BTNL3: variants seen among roughly 807,000 people sequenced by gnomAD.
BTNL3 encodes butyrophilin like 3, also known as butyrophilin-like protein 3.
Under a neutral mutation model 40.1 loss-of-function variants are expected in BTNL3, and 20 were observed. The ratio of observed to expected loss-of-function variants is 0.50; its 90% confidence interval spans 0.35 to 0.72. The LOEUF (loss-of-function observed/expected upper bound fraction) is 0.72. Ranked by LOEUF, BTNL3 falls within the 30% of genes least tolerant of loss-of-function variation. The probability of loss-of-function intolerance (pLI) is 0.01; values close to 1 mark genes in which losing one functional copy is unlikely to be tolerated. For missense variants in BTNL3, 449 were observed against 582.2 expected, an observed-to-expected ratio of 0.77 and a Z score of 2.35; for synonymous variants, 179 against 222.1, an observed-to-expected ratio of 0.81 and a Z score of 1.73.
chr5:181,004,892 A>G, intron 7 of BTNL3, 130 bp downstream of exon 7: 7 of 1,552,302 alleles, frequency 4.5e-6, no homozygotes, highest in East Asian at 2.3e-5. Flanking sequence ...AGCTGCCTCT[A>G]AATACACTTC....
At chr5:181,005,198 G>A (rs1175829726) in intron 7 of BTNL3, 136 bp from the exon 8 acceptor site, 19 of 1,469,698 alleles carry the variant, frequency 1.3e-5, no homozygotes, top group Non-Finnish European at 1.7e-5. Flanking sequence ...CCTGGAGAAG[G>A]TACATGGCTG....
rs987393026 is a variant in BTNL3, at chr5:181,001,574, G to A, written c.674-1098G>A. ...TTAAGAAATCCTCCCGGCCAGGCGCGGTGGCTCATGCCTGTAATCCCAGCA... is the reference window on the plus strand; with the variant it reads ...TTAAGAAATCCTCCCGGCCAGGCGCAGTGGCTCATGCCTGTAATCCCAGCA... On this transcript the variant is annotated intron_variant, in intron 3 of 7. Coordinates refer to ENST00000342868, the MANE Select transcript of BTNL3 (RefSeq NM_197975.3). Among the ~76,000 whole-genome samples the A allele has an allele frequency of 3.7e-5, 5 of 133,824 alleles. 2 individuals are homozygous for A. The highest frequency in any genetic ancestry group is 4.5e-4 in the East Asian group (2 of 4,488). 87.8% of individuals were successfully genotyped at this position (133,824 alleles called of 152,430 possible).
intron 2 of BTNL3, among the ~76,000 whole-genome samples, chr5:180,994,781 A>C (rs1431058227): frequency 7.6e-6 from 1 of 132,064 alleles, no homozygotes; most frequent in Non-Finnish European, 1.7e-5. Context: ...GGAGTTCAAT[A>C]ATTTTTTTTT....
chr5:180,989,013 A>T lies in BTNL3; in HGVS notation c.-16A>T. On this transcript the variant is annotated 5_prime_UTR_variant, in exon 1 of 8. Coordinates refer to ENST00000342868, the MANE Select transcript of BTNL3 (RefSeq NM_197975.3). ...CATCTGTTTTCATAGTGTGAGATCA[A>T]CCCACAGGAATATCCATGGCTTTTG... 1 of 1,446,934 alleles carries T rather than the reference A, an allele frequency of 6.9e-7. No homozygotes were observed. The highest frequency in any genetic ancestry group is 1.1e-5 in the South Asian group (1 of 87,280). The allele number at this position is 1,446,934 out of a possible 1,614,324, so 89.6% of individuals were successfully genotyped here.
intron 2 of BTNL3, among the ~76,000 whole-genome samples, chr5:180,994,885 A>T (rs1255311437): frequency 7.5e-6 from 1 of 134,082 alleles, no homozygotes; most frequent in African/African-American, 2.6e-5. Context: ...TTCCGGGTTC[A>T]CGCCATTCTC....
Position 180,993,178 on chromosome 5 carries a change from G to C in BTNL3, c.397+18G>C. Reference sequence around the variant, plus strand: ...GGTGGCAGGTCAGTTGTTTATTTATGACTGAGTTGTCTTGTAAAGTCATGC... The same window carrying C: ...GGTGGCAGGTCAGTTGTTTATTTATCACTGAGTTGTCTTGTAAAGTCATGC... On this transcript the variant is annotated intron_variant, in intron 2 of 7. Transcript: ENST00000342868. 7.1e-7 allele frequency: 1 copy of C among 1,417,876 alleles called. No homozygotes were observed. Among genetic ancestry groups the C allele is most frequent in the Non-Finnish European group, 9.7e-7 (1 of 1,035,328 alleles). The allele number at this position is 1,417,876 out of a possible 1,614,324, so 87.8% of individuals were successfully genotyped here.
intron 4 of BTNL3, among the ~76,000 whole-genome samples, chr5:181,003,317 AG>A (rs993762617): frequency 5.9e-5 from 8 of 136,160 alleles, no homozygotes; most frequent in African/African-American, 1.8e-4. Flanking sequence ...GGCTTTAGTG[AG>A]CCATGTTCGC....
chr5:180,994,331 A>G (rs1760009055), intron 2 of BTNL3, among the ~76,000 whole-genome samples: 1 of 136,940 alleles, frequency 7.3e-6, no homozygotes, highest in African/African-American at 2.5e-5. Flanking sequence ...TTTCCTCTTT[A>G]TTTGTGAATA....
chr5:181,005,396 G>A lies in BTNL3; in HGVS notation c.925G>A (p.Val309Ile), dbSNP rs1760204509. 6.2e-7 allele frequency: 1 copy of A among 1,613,812 alleles called. No homozygotes were observed. The highest frequency in any genetic ancestry group is 1.3e-5 in the African/African-American group (1 of 74,874). ...PKLCVSDLKT[V>I]THRKAPQEVP... ...GCTCTGCGTTTCTGATCTGAAAACT[G>A]TAACCCATAGAAAAGCTCCCCAGGA... is the stretch of plus-strand genomic sequence containing the variant. Residue 309 changes from valine to isoleucine, a missense_variant, in exon 8 of 8, where the codon GTA (valine) becomes ATA (isoleucine). Physicochemically the swap from Val to Ile is conservative, Grantham distance 29. Coordinates refer to ENST00000342868, the MANE Select transcript of BTNL3 (RefSeq NM_197975.3).
In BTNL3 at chr5:180,997,558, T is replaced by G. The variant is rs565696030; in HGVS notation, c.673+70T>G. On this transcript the variant is annotated intron_variant, in intron 3 of 7. Transcript: ENST00000342868. ...TAACCCAGGGTAGAGCAGCAGCTTG[T>G]GTCTGGGATTGTTGTGTAGTACCAT... 204 of 1,443,074 alleles carry G rather than the reference T, an allele frequency of 1.4e-4. 21 individuals carry two copies. In the South Asian group the frequency reaches 2.1e-3, roughly 15 times the overall value. 89.4% of individuals were successfully genotyped at this position (1,443,074 alleles called of 1,614,324 possible).
intron 3 of BTNL3, among the ~76,000 whole-genome samples, chr5:181,001,943 C>T (rs2113085352): frequency 7.4e-6 from 1 of 135,016 alleles, no homozygotes; most frequent in African/African-American, 2.5e-5. Flanking sequence ...ACTTTGGCCT[C>T]CCAAACTGCT....
At chr5:180,994,287 G>A (rs185631036) in intron 2 of BTNL3, among the ~76,000 whole-genome samples, 1,404 of 136,738 alleles carry the variant, frequency 0.01, 323 homozygotes, top group Non-Finnish European at 0.018. Context: ...AATTCTCTTA[G>A]TTTTTGTTTA....
chr5:180,990,211 C>T (rs1202121512), intron 1 of BTNL3, among the ~76,000 whole-genome samples: 1 of 136,922 alleles, frequency 7.3e-6, no homozygotes, highest in South Asian at 2.2e-4. Flanking sequence ...CACAAGACAG[C>T]CTCCGTTTAA....
chr5:181,002,092 G>A lies in BTNL3; in HGVS notation c.674-580G>A, dbSNP rs886673288. On this transcript the variant is annotated intron_variant, in intron 3 of 7. Transcript: ENST00000342868. ...GAATAAGAGCAAGCTAAGAAGCTTAGTCTTATCTCAGAGACATATCCCAAA... is the reference window on the plus strand; with the variant it reads ...GAATAAGAGCAAGCTAAGAAGCTTAATCTTATCTCAGAGACATATCCCAAA... 1.2e-4 allele frequency among the ~76,000 whole-genome samples: 16 copies of A among 133,878 alleles called. 2 individuals carry two copies. The highest frequency in any genetic ancestry group is 4.1e-4 in the African/African-American group (16 of 39,118). 87.8% of individuals were successfully genotyped at this position (133,878 alleles called of 152,430 possible).
Position 180,988,847 on chromosome 5 carries a change from T to C in BTNL3, c.-182T>C, listed in dbSNP as rs1032156363. On this transcript the variant is annotated 5_prime_UTR_variant, in exon 1 of 8. Transcript: ENST00000342868. ...GCAGTGACTCAAACTCCAGTGCCCA[T>C]ACTCCTCATTCATACAGCCATGTTT... 5.9e-6 allele frequency: 4 copies of C among 674,618 alleles called. 1 individual carries two copies. Among genetic ancestry groups the C allele is most frequent in the Non-Finnish European group, 9.6e-6 (4 of 416,540 alleles). 41.8% of individuals were successfully genotyped at this position (674,618 alleles called of 1,614,324 possible).
chr5:180,997,101 A>T, intron 2 of BTNL3, 112 bp from the exon 3 acceptor site: 2 of 1,325,488 alleles, frequency 1.5e-6, no homozygotes, highest in Non-Finnish European at 1.1e-6. Flanking sequence ...AGAGAGAGAG[A>T]GAGAGAAAAG....
rs565940749 is a variant in BTNL3, at chr5:180,994,886, C to T, written c.397+1726C>T. Among the ~76,000 whole-genome samples the T allele has an allele frequency of 1.3e-4, 18 of 134,320 alleles. 5 individuals are homozygous for T. The highest frequency in any genetic ancestry group is 4.4e-4 in the East Asian group (2 of 4,552). The allele number at this position is 134,320 out of a possible 152,430, so 88.1% of individuals were successfully genotyped here. A position where few individuals can be genotyped will look rare whatever the true frequency, so the allele number is the denominator to read the frequency against. On this transcript the variant is annotated intron_variant, in intron 2 of 7. Coordinates refer to ENST00000342868, the MANE Select transcript of BTNL3 (RefSeq NM_197975.3). ...CTGCAAGCTCTGCCTTCCGGGTTCA[C>T]GCCATTCTCCTGCCTCAGCCTCCGG...
chr5:181,006,056 C>A lies in BTNL3; in HGVS notation c.*184C>A. 1 of 650,532 alleles carries A rather than the reference C, an allele frequency of 1.5e-6. No homozygotes were observed. Among genetic ancestry groups the A allele is most frequent in the Non-Finnish European group, 2.5e-6 (1 of 403,310 alleles). The allele number at this position is 650,532 out of a possible 1,614,324, so 40.3% of individuals were successfully genotyped here. ...AGCCCTGCAGCAGCGGCAGTCACAG[C>A]TTCCAGATGAGGGGGGATTGGCCTG... On this transcript the variant is annotated 3_prime_UTR_variant, in exon 8 of 8. Transcript: ENST00000342868.
In BTNL3 at chr5:181,006,331, AT is replaced by A. The variant is rs1178617291; in HGVS notation, c.*463del. On this transcript the variant is annotated 3_prime_UTR_variant, in exon 8 of 8. Transcript: ENST00000342868. ...CTAATGATGTGTTTTTATATTATAC[AT>A]TTTCCCACCATAAACTCTGTTTGCT... 3 of 259,218 alleles carry A rather than the reference AT, an allele frequency of 1.2e-5. No individual in the cohort carries two copies. The highest frequency in any genetic ancestry group is 1.4e-4 in the East Asian group (2 of 14,212). The allele number at this position is 259,218 out of a possible 1,614,324, so 16.1% of individuals were successfully genotyped here. A position where few individuals can be genotyped will look rare whatever the true frequency, so the allele number is the denominator to read the frequency against.
Sources: allele counts gnomAD v4.1 joint callset (sites outside exome capture counted in the v4.1 genomes callset), GRCh38; gene constraint gnomAD v4.1.1; transcripts MANE v1.5; gene names NCBI Gene and HGNC (gene_info 2026-07-23, HGNC 2026-07-21).